The following ZNF892 variants were observed in gnomAD, a reference collection of about 807,000 sequenced individuals.
ZNF892 encodes the protein zinc finger protein 570-like.
At chr2:95,249,504 C>A in the ZNF892 span, among the ~76,000 whole-genome samples, 1 of 151,596 alleles carries the variant, frequency 6.6e-6, no homozygotes, top group Non-Finnish European at 1.5e-5. Flanking sequence ...GCCTTAGCCT[C>A]CCAAAGTGCT....
the ZNF892 span, among the ~76,000 whole-genome samples, chr2:95,243,418 C>T: frequency 4.6e-5 from 7 of 151,768 alleles, no homozygotes; most frequent in African/African-American, 1.7e-4. Context: ...CGCCTCTTCC[C>T]GGCCGCCATC....
the ZNF892 span, among the ~76,000 whole-genome samples, chr2:95,243,378 C>A: frequency 6.6e-5 from 10 of 151,084 alleles, no homozygotes; most frequent in African/African-American, 2.4e-4. Flanking sequence ...CGTTTCTGCC[C>A]GGCCGCCATC....
chr2:95,221,851 T>G, the ZNF892 span, among the ~76,000 whole-genome samples: 639 of 152,332 alleles, frequency 4.2e-3, 11 homozygotes, highest in African/African-American at 0.015. Flanking sequence ...TTGCTATGTT[T>G]GACGAAGATA....
the ZNF892 span, among the ~76,000 whole-genome samples, chr2:95,213,452 G>GT: frequency 1.3e-5 from 2 of 152,188 alleles, no homozygotes; most frequent in African/African-American, 2.4e-5. Context: ...TTTTAGCAAT[G>GT]AAGCTTTTCC....
At chr2:95,233,252 T>A in the ZNF892 span, among the ~76,000 whole-genome samples, 1 of 150,870 alleles carries the variant, frequency 6.6e-6, no homozygotes, top group East Asian at 2.0e-4. Flanking sequence ...CAGGTTGGAG[T>A]GCAGTGGTGC....
the ZNF892 span, among the ~76,000 whole-genome samples, chr2:95,235,911 A>T: frequency 6.6e-6 from 1 of 152,184 alleles, no homozygotes; most frequent in Admixed American, 6.5e-5. Context: ...AGTACTGTTC[A>T]ACGCCTCCCC....
the ZNF892 span, among the ~76,000 whole-genome samples, chr2:95,217,644 G>A: frequency 6.6e-6 from 1 of 152,208 alleles, no homozygotes; most frequent in African/African-American, 2.4e-5. Flanking sequence ...GAAAGTAGGA[G>A]GAGGGATGCA....
At chr2:95,227,641 G>A in the ZNF892 span, among the ~76,000 whole-genome samples, 1 of 151,868 alleles carries the variant, frequency 6.6e-6, no homozygotes. Flanking sequence ...TCAGAGACAG[G>A]GTCTCTGCTC....
At chr2:95,250,644 TA>T in the ZNF892 span, among the ~76,000 whole-genome samples, 1 of 138,756 alleles carries the variant, frequency 7.2e-6, no homozygotes, top group African/African-American at 2.6e-5. Flanking sequence ...AATTTATAAA[TA>T]TAAACTATTC....
chr2:95,244,525 C>T, the ZNF892 span, among the ~76,000 whole-genome samples: 2 of 152,040 alleles, frequency 1.3e-5, no homozygotes, highest in African/African-American at 4.8e-5. Flanking sequence ...AATACAGGAA[C>T]ACCCATATTC....
the ZNF892 span, among the ~76,000 whole-genome samples, chr2:95,258,011 C>A: frequency 2.0e-5 from 3 of 152,312 alleles, no homozygotes; most frequent in African/African-American, 7.2e-5. Flanking sequence ...ACCCCTTGCG[C>A]TTCCCGGGTG....
the ZNF892 span, among the ~76,000 whole-genome samples, chr2:95,241,946 GA>G: frequency 6.6e-6 from 1 of 151,904 alleles, no homozygotes; most frequent in South Asian, 2.1e-4. Flanking sequence ...CAAGAATAGA[GA>G]AAAAAATAAT....
At chr2:95,247,349 A>G in the ZNF892 span, among the ~76,000 whole-genome samples, 1 of 152,218 alleles carries the variant, frequency 6.6e-6, no homozygotes, top group Non-Finnish European at 1.5e-5. Flanking sequence ...CTATATACAA[A>G]TATTAACTCA....
At chr2:95,251,411 A>C in the ZNF892 span, among the ~76,000 whole-genome samples, 192 of 152,310 alleles carry the variant, frequency 1.3e-3, no homozygotes, top group African/African-American at 4.4e-3. Context: ...TCCAAGGTAC[A>C]CCTACTTTAA....
chr2:95,219,106 C>G, the ZNF892 span, among the ~76,000 whole-genome samples: 2 of 152,046 alleles, frequency 1.3e-5, no homozygotes, highest in Non-Finnish European at 2.9e-5. Context: ...TCACGCCATT[C>G]TCCTGCCTCA....
the ZNF892 span, among the ~76,000 whole-genome samples, chr2:95,208,014 G>A: frequency 6.6e-6 from 1 of 152,212 alleles, no homozygotes; most frequent in African/African-American, 2.4e-5. Flanking sequence ...TGGTCTGTAG[G>A]GCGCTGGATG....
the ZNF892 span, chr2:95,215,303 CA>C: frequency 2.2e-6 from 1 of 459,360 alleles, no homozygotes. Context: ...ATGATTGTGC[CA>C]AAGCCTTCAG....
the ZNF892 span, among the ~76,000 whole-genome samples, chr2:95,256,316 C>A: frequency 6.6e-6 from 1 of 152,138 alleles, no homozygotes; most frequent in Non-Finnish European, 1.5e-5. Flanking sequence ...GATTTTATTT[C>A]TCCTTCACTT....
chr2:95,231,093 G>A, the ZNF892 span, among the ~76,000 whole-genome samples: 2 of 152,188 alleles, frequency 1.3e-5, no homozygotes, highest in African/African-American at 4.8e-5. Flanking sequence ...ATGTTTGCCC[G>A]AGAGAAATGA....
Sources: allele counts gnomAD v4.1 joint callset (sites outside exome capture counted in the v4.1 genomes callset), GRCh38; gene constraint gnomAD v4.1.1; transcripts MANE v1.5; gene names NCBI Gene and HGNC (gene_info 2026-07-23, HGNC 2026-07-21).